STARD9: variants seen among roughly 807,000 people sequenced by gnomAD.
STARD9 encodes the protein StAR related lipid transfer domain containing 9.
Under a neutral mutation model 399.8 loss-of-function variants are expected in STARD9, and 346 were observed. That is an observed-to-expected ratio of 0.87 (90% confidence interval 0.79 to 0.95). STARD9 has a LOEUF of 0.95. STARD9 is among the 40% of genes least tolerant of loss of function. The pLI is 0.00. For missense variants in STARD9, 5,832 were observed against 5,667.5 expected (o/e 1.03, Z -0.93); for synonymous variants, 2,203 against 2,143.5 (o/e 1.03, Z -0.77).
At chr15:42,706,240 T>C (rs1426494390) in intron 26 of STARD9, among the ~76,000 whole-genome samples, 2 of 152,208 alleles carry the variant, frequency 1.3e-5, no homozygotes, top group Non-Finnish European at 2.9e-5. Flanking sequence ...TTTCTTCATA[T>C]GTCTCTCACA....
At chr15:42,614,305 CA>C (rs542999101) in intron 3 of STARD9, among the ~76,000 whole-genome samples, 3,080 of 107,458 alleles carry the variant, frequency 0.029, 93 homozygotes, top group African/African-American at 0.089. Context: ...GCGAGACTGT[CA>C]AAAAAAAAAA....
intron 7 of STARD9, among the ~76,000 whole-genome samples, chr15:42,648,686 G>T (rs1385094414): frequency 6.6e-6 from 1 of 151,934 alleles, no homozygotes; most frequent in Non-Finnish European, 1.5e-5. Context: ...AATCATGCTG[G>T]GATTCTTGAA....
rs550470486 is a variant in STARD9, at chr15:42,654,932, A to G, written c.702+2340A>G. ...TCACAGAACTAGAAAAGACAGTCCT[A>G]AAATTCATATGGAACCAAAAAAGAG... On this transcript the variant is annotated intron_variant, in intron 9 of 32. Transcript: ENST00000290607. Among the ~76,000 whole-genome samples, 9 of 152,314 alleles carry G rather than the reference A, an allele frequency of 5.9e-5. No homozygotes were observed. The East Asian group carries it at 1.7e-3, about 29-fold the overall frequency.
Position 42,663,343 on chromosome 15 carries a change from G to GA in STARD9, c.932dup (p.Asp311GlufsTer6). On this transcript the variant is annotated frameshift_variant, in exon 12 of 33. Transcript: ENST00000290607. LOFTEE classifies it high-confidence loss of function. The stretch of plus-strand genomic sequence containing the variant: ...CAACAGCTCAGTCAGCAATGGTGGT[G>GA]ACAGTGGGATCCTTAGCTCTCCTTC... The GA allele has an allele frequency of 6.5e-7, 1 of 1,537,352 alleles. No individual in the cohort carries two copies. Among genetic ancestry groups the GA allele is most frequent in the Non-Finnish European group, 8.7e-7 (1 of 1,146,922 alleles).
chr15:42,584,894 T>C (rs771039206), intron 2 of STARD9, among the ~76,000 whole-genome samples: 1 of 152,190 alleles, frequency 6.6e-6, no homozygotes, highest in Non-Finnish European at 1.5e-5. Flanking sequence ...AATTTGAAAA[T>C]TTGAAATCTG....
In STARD9 at chr15:42,682,120, C is replaced by T. The variant is rs1194846847; in HGVS notation, c.2082C>T (p.Leu694=). Residue 694 remains leucine (L), a synonymous_variant, in exon 22 of 33, where the codon CTC becomes CTT. Transcript: ENST00000290607. The part of the protein sequence containing the change: ...QQIKENQQCL[L]REETWLASLQ... ...GGTTCCCAGACCAGCAGTGTCTGCT[C>T]AGAGAAGAGACCTGGCTGGCCAGCT... The T allele has an allele frequency of 1.3e-6, 2 of 1,536,800 alleles. No homozygotes were observed. Among genetic ancestry groups the T allele is most frequent in the Non-Finnish European group, 1.7e-6 (2 of 1,146,728 alleles).
chr15:42,581,322 C>A, intron 1 of STARD9: 2 of 1,291,076 alleles, frequency 1.5e-6, no homozygotes, highest in Non-Finnish European at 2.2e-6. Flanking sequence ...CAGAAACTTT[C>A]TATCATAAAT....
intron 3 of STARD9, among the ~76,000 whole-genome samples, chr15:42,600,482 A>ATG (rs917068412): frequency 6.6e-6 from 1 of 151,350 alleles, no homozygotes; most frequent in Non-Finnish European, 1.5e-5. Flanking sequence ...GTGCTTGTGC[A>ATG]TGTGTGTGTG....
chr15:42,634,658 A>G (rs2059387775), intron 3 of STARD9, among the ~76,000 whole-genome samples, 198 bp from the exon 4 acceptor site: 1 of 152,240 alleles, frequency 6.6e-6, no homozygotes, highest in Non-Finnish European at 1.5e-5. Flanking sequence ...CTAGGCACTT[A>G]AAAAATTTGA....
intron 12 of STARD9, 102 bp from the exon 13 acceptor site, chr15:42,663,718 C>T: frequency 1.0e-6 from 1 of 961,968 alleles, no homozygotes; most frequent in South Asian, 1.5e-5. Context: ...TTTCTCATTT[C>T]ATCAGGGGTC....
rs556091910 is a variant in STARD9 at position 42,715,673 on chromosome 15, A to G, written c.13285-1004A>G. On this transcript the variant is annotated intron_variant, in intron 26 of 32. Coordinates refer to ENST00000290607, the MANE Select transcript of STARD9 (RefSeq NM_020759.3). ...CAGGCGCCCGCCACCACGCCCGGCTAATTTTTTGTATTGTTAGTAGAGATG... is the reference window on the plus strand; with the variant it reads ...CAGGCGCCCGCCACCACGCCCGGCTGATTTTTTGTATTGTTAGTAGAGATG... Among the ~76,000 whole-genome samples, 10 of 152,102 alleles carry G rather than the reference A, an allele frequency of 6.6e-5. No homozygotes were observed. The South Asian group carries it at 2.1e-3, about 32-fold the overall frequency.
intron 3 of STARD9, among the ~76,000 whole-genome samples, chr15:42,594,089 GAGAC>G (rs35172521): frequency 0.021 from 3,204 of 152,284 alleles, 126 homozygotes; most frequent in African/African-American, 0.074. Context: ...GAGAGTGAGA[GAGAC>G]AGACAGACGG....
At chr15:42,680,376 G>C (rs565071183) in intron 20 of STARD9, among the ~76,000 whole-genome samples, 2 of 152,184 alleles carry the variant, frequency 1.3e-5, no homozygotes, top group South Asian at 4.2e-4. Flanking sequence ...GAGGTGGGGA[G>C]ATCACTTGAG....
At chr15:42,705,372 G>T (rs998586708) in intron 26 of STARD9, among the ~76,000 whole-genome samples, 2 of 152,108 alleles carry the variant, frequency 1.3e-5, no homozygotes, top group African/African-American at 4.8e-5. Flanking sequence ...ATGTTTCTGT[G>T]GGGAACTATC....
Position 42,690,477 on chromosome 15 carries a change from T to A in STARD9, c.8899T>A (p.Tyr2967Asn). 1 of 1,537,238 alleles carries A rather than the reference T, an allele frequency of 6.5e-7. No individual in the cohort carries two copies. The highest frequency in any genetic ancestry group is 8.7e-7 in the Non-Finnish European group (1 of 1,146,922). Residue 2967 changes from tyrosine (Y) to asparagine (N), a missense_variant, in exon 23 of 33, where the codon TAT (tyrosine) becomes AAT (asparagine). Physicochemically the swap from Tyr to Asn is moderately radical, Grantham distance 143. This residue lies in a region of STARD9 where 5,828 missense variants were observed against 5,651.1 expected (regional missense o/e 1.03). Transcript: ENST00000290607. ...CSSQPVATHA[Y>N]SSHSSTLLCF... Reference sequence around the variant, plus strand: ...TTCTCAACCTGTTGCTACTCATGCTTATTCCTCCCATTCCTCTACTTTACT... The same window carrying A: ...TTCTCAACCTGTTGCTACTCATGCTAATTCCTCCCATTCCTCTACTTTACT...
Position 42,689,667 on chromosome 15 carries a change from A to G in STARD9, c.8089A>G (p.Ser2697Gly). The change falls in exon 23 of 33, where the codon AGT becomes GGT. Residue 2697 changes from serine to glycine, a missense_variant. Transcript: ENST00000290607. ...AAGTGAACCATTTATATGTCACTCT[A>G]GTTCTTCTGAAATCATAGAGAAAAA... ...GASEPFICHS[S>G]SSEIIEKKKD... The G allele has an allele frequency of 1.3e-6, 2 of 1,537,768 alleles. No individual in the cohort carries two copies. Among genetic ancestry groups the G allele is most frequent in the Non-Finnish European group, 8.7e-7 (1 of 1,147,018 alleles).
chr15:42,698,025 C>A (rs1208802243), intron 26 of STARD9, among the ~76,000 whole-genome samples: 1 of 152,128 alleles, frequency 6.6e-6, no homozygotes, highest in Non-Finnish European at 1.5e-5. Context: ...CTGTCCTATA[C>A]CTTATATATT....
chr15:42,704,696 GCCAGGGC>G (rs1401249122), intron 26 of STARD9, among the ~76,000 whole-genome samples: 1 of 152,194 alleles, frequency 6.6e-6, no homozygotes, highest in Non-Finnish European at 1.5e-5. Context: ...GGTAATGCTG[GCCAGGGC>G]CCTGAACCAG....
chr15:42,655,351 A>G (rs2059845849), intron 9 of STARD9, among the ~76,000 whole-genome samples: 1 of 152,264 alleles, frequency 6.6e-6, no homozygotes, highest in South Asian at 2.1e-4. Context: ...TAAGGCCAAT[A>G]GTTACCAAAA....
Sources: gnomAD v4.1 joint callset for allele counts (sites outside exome capture counted in the v4.1 genomes callset) on GRCh38, gnomAD v4.1.1 for gene constraint, gnomAD v4.1.1 regional missense constraint, MANE v1.5 for transcripts, NCBI Gene and HGNC (gene_info 2026-07-23, HGNC 2026-07-21) for gene names.